DLGAP2: variants seen among roughly 807,000 people sequenced by gnomAD.
The protein encoded by DLGAP2 is disks large-associated protein 2.
DLGAP2 carries 26 observed loss-of-function variants against 100.3 expected under a neutral mutation model. The ratio of observed to expected loss-of-function variants is 0.26; its 90% CI spans 0.19 to 0.36. The LOEUF is 0.36. Among genes scored for constraint, DLGAP2 ranks in the 10% least tolerant of loss-of-function variants. DLGAP2 has a pLI of 1.00. For missense variants in DLGAP2, 1,858 were observed against 1,453.2 expected, an observed-to-expected ratio of 1.28 and a Z score of -4.53; for synonymous variants, 886 against 630.1, an observed-to-expected ratio of 1.41 and a Z score of -6.08.
At position 1,057,530 on chromosome 8, in the gene DLGAP2, C is replaced by G. The variant is rs546479099; in HGVS notation, c.73+149564C>G. Among the ~76,000 whole-genome samples, 3 of 152,354 alleles carry G rather than the reference C, an allele frequency of 2.0e-5. No homozygotes were observed. In the South Asian group the frequency reaches 6.2e-4, roughly 32 times the overall value. ...GAATTCAGCTCTTCGTTTGTTGTCTCTCTAACTTACTGGCTGTGCTATCTC... is the reference window on the plus strand; with the variant it reads ...GAATTCAGCTCTTCGTTTGTTGTCTGTCTAACTTACTGGCTGTGCTATCTC... On this transcript the variant is annotated intron_variant, in intron 2 of 14. Transcript: ENST00000637795.
intron 1 of DLGAP2, among the ~76,000 whole-genome samples, chr8:848,886 T>C (rs1161001635): frequency 5.3e-5 from 7 of 132,354 alleles, no homozygotes; most frequent in African/African-American, 1.3e-4. Flanking sequence ...TGTTCCAGCA[T>C]AGGAACGCGC....
intron 3 of DLGAP2, among the ~76,000 whole-genome samples, chr8:1,270,994 A>G (rs1354389001): frequency 1.3e-5 from 2 of 152,082 alleles, no homozygotes; most frequent in Non-Finnish European, 2.9e-5. Flanking sequence ...ATGGGAAGTA[A>G]TTTTTTAAAT....
intron 3 of DLGAP2, among the ~76,000 whole-genome samples, chr8:1,269,355 C>T (rs189092549): frequency 2.8e-3 from 422 of 152,292 alleles, no homozygotes; most frequent in African/African-American, 9.5e-3. Flanking sequence ...CTGGAAAGAC[C>T]GCCCCGTGTG....
chr8:1,135,381 C>T (rs538342845), intron 2 of DLGAP2, among the ~76,000 whole-genome samples: 28 of 152,132 alleles, frequency 1.8e-4, no homozygotes, highest in Non-Finnish European at 2.9e-4. Context: ...GAGTGCATCT[C>T]GTCTTAGGGG....
intron 2 of DLGAP2, among the ~76,000 whole-genome samples, chr8:971,646 A>C (rs2129012335): frequency 6.6e-6 from 1 of 152,322 alleles, no homozygotes; most frequent in South Asian, 2.1e-4. Context: ...TGCTCAGGTG[A>C]AGATCATAGA....
chr8:1,419,913 G>A (rs998857605), intron 3 of DLGAP2, among the ~76,000 whole-genome samples: 1 of 152,184 alleles, frequency 6.6e-6, no homozygotes, highest in African/African-American at 2.4e-5. Flanking sequence ...AGATGGAATC[G>A]ACCTGAGTGT....
At chr8:1,665,796 G>T (rs1012874949) in intron 8 of DLGAP2, among the ~76,000 whole-genome samples, 5 of 152,238 alleles carry the variant, frequency 3.3e-5, no homozygotes, top group African/African-American at 1.2e-4. Flanking sequence ...TGATGATAAA[G>T]ATTCTGTTTT....
chr8:1,051,996 A>T (rs1802728011), intron 2 of DLGAP2, among the ~76,000 whole-genome samples: 6 of 152,206 alleles, frequency 3.9e-5, no homozygotes, highest in Admixed American at 3.9e-4. Flanking sequence ...CCCACATTCT[A>T]CCCACAATGG....
intron 1 of DLGAP2, among the ~76,000 whole-genome samples, chr8:784,315 A>G (rs73181020): frequency 0.21 from 32,214 of 152,200 alleles, 4,124 homozygotes; most frequent in Admixed American, 0.4. Context: ...TTAAAAATGT[A>G]TTTTGGCTTT....
rs146779404 is a variant in DLGAP2 at position 1,201,539 on chromosome 8, C to G, written c.74-57312C>G. Among the ~76,000 whole-genome samples the G allele has an allele frequency of 2.4e-3, 367 of 152,314 alleles. 1 individual carries two copies. Among genetic ancestry groups the G allele is most frequent in the African/African-American group, 7.4e-3 (309 of 41,560 alleles). On this transcript the variant is annotated intron_variant, in intron 2 of 14. Transcript: ENST00000637795. ...CCCAGGGAGTCCGTTTTGGACATCG[C>G]ATCTCCGGACGGATATAGATCGCTT...
chr8:1,517,496 C>T (rs905383809), intron 4 of DLGAP2, among the ~76,000 whole-genome samples: 8 of 152,202 alleles, frequency 5.3e-5, no homozygotes, highest in African/African-American at 1.7e-4. Context: ...CTCGTTTCCT[C>T]CACCGAGCTG....
chr8:1,560,974 A>G (rs570897953), intron 5 of DLGAP2, among the ~76,000 whole-genome samples: 4 of 152,064 alleles, frequency 2.6e-5, no homozygotes, highest in Non-Finnish European at 5.9e-5. Flanking sequence ...TCCCCACCGA[A>G]ATCTCGTTTT....
At chr8:1,060,971 T>C (rs1803064210) in intron 2 of DLGAP2, among the ~76,000 whole-genome samples, 1 of 152,236 alleles carries the variant, frequency 6.6e-6, no homozygotes. Context: ...ATTTCGATGT[T>C]GTGTAATAAA....
chr8:899,375 G>A (rs1041294401), intron 1 of DLGAP2, among the ~76,000 whole-genome samples: 7 of 152,180 alleles, frequency 4.6e-5, no homozygotes, highest in African/African-American at 1.4e-4. Flanking sequence ...CCTGGGCCAC[G>A]CTGCTGAGAA....
At chr8:882,413 C>G (rs56357253) in intron 1 of DLGAP2, among the ~76,000 whole-genome samples, 1 of 144,486 alleles carries the variant, frequency 6.9e-6, no homozygotes, top group South Asian at 2.3e-4. Context: ...GAGGCCTCTC[C>G]TGCGCGCACC....
chr8:1,629,870 T>C (rs1255039208), intron 7 of DLGAP2, among the ~76,000 whole-genome samples: 2 of 152,192 alleles, frequency 1.3e-5, no homozygotes, highest in Admixed American at 6.5e-5. Flanking sequence ...GTCGTCCTGT[T>C]TGGGGGTAAA....
chr8:1,200,112 G>T (rs1003630388), intron 2 of DLGAP2, among the ~76,000 whole-genome samples: 1 of 152,120 alleles, frequency 6.6e-6, no homozygotes, highest in African/African-American at 2.4e-5. Context: ...GGTCGGGGGC[G>T]TGGGGGCCGG....
At chr8:1,448,802 C>T (rs1021222670) in intron 3 of DLGAP2, among the ~76,000 whole-genome samples, 7 of 152,188 alleles carry the variant, frequency 4.6e-5, no homozygotes, top group Non-Finnish European at 8.8e-5. Flanking sequence ...CAATGCATGA[C>T]ATCAATCATT....
intron 3 of DLGAP2, among the ~76,000 whole-genome samples, chr8:1,479,572 C>T (rs966965160): frequency 3.9e-5 from 6 of 152,138 alleles, no homozygotes; most frequent in Non-Finnish European, 8.8e-5. Context: ...GAAGGCTGTG[C>T]GTTTCATTTC....
Sources: gnomAD v4.1 joint callset for allele counts (sites outside exome capture counted in the v4.1 genomes callset) on GRCh38, gnomAD v4.1.1 for gene constraint, MANE v1.5 for transcripts, NCBI Gene and HGNC (gene_info 2026-07-23, HGNC 2026-07-21) for gene names.